Variants in PDZD2 observed in about 807,000 individuals in gnomAD.
The protein encoded by PDZD2 is PDZ domain-containing protein 2.
Under a neutral mutation model 220.7 loss-of-function variants are expected in PDZD2, and 90 were observed. That is an observed-to-expected ratio of 0.41 (90% CI 0.34 to 0.49). The LOEUF (loss-of-function observed/expected upper bound fraction) is 0.49. Among genes scored for constraint, PDZD2 ranks in the 20% least tolerant of loss-of-function variants. The pLI is 0.28. For missense variants in PDZD2, 3,174 were observed against 3,608.5 expected (o/e 0.88, Z 3.08); for synonymous variants, 1,375 against 1,450.5 (o/e 0.95, Z 1.18).
chr5:31,697,628 TGAG>T (rs948809670), intron 1 of PDZD2, among the ~76,000 whole-genome samples: 1 of 152,202 alleles, frequency 6.6e-6, no homozygotes, highest in African/African-American at 2.4e-5. Context: ...ATTTCCAAAG[TGAG>T]GAGGAGCCCA....
At chr5:31,872,317 G>GA (rs1366869463) in intron 2 of PDZD2, among the ~76,000 whole-genome samples, 2 of 152,084 alleles carry the variant, frequency 1.3e-5, no homozygotes, top group African/African-American at 4.8e-5. Context: ...TTTCCCTGGG[G>GA]AAAAATCATG....
At chr5:31,735,342 T>G (rs778910359) in intron 1 of PDZD2, among the ~76,000 whole-genome samples, 9 of 152,212 alleles carry the variant, frequency 5.9e-5, no homozygotes, top group Non-Finnish European at 1.0e-4. Context: ...CACTGCTGCC[T>G]CCTATTCTCC....
Position 31,646,127 on chromosome 5 carries a change from C to T in PDZD2, c.-361+6690C>T, listed in dbSNP as rs1745128039. Reference sequence around the variant, plus strand: ...AGAAAATAAACACCAACTCTTTTGTCCCTTTCACCAAAGGCCAGCATGTTT... The same window carrying T: ...AGAAAATAAACACCAACTCTTTTGTTCCTTTCACCAAAGGCCAGCATGTTT... On this transcript the variant is annotated intron_variant, in intron 1 of 24. Transcript: ENST00000438447. The surrounding 1 kb of genome is among the most constrained non-coding windows in gnomAD (Gnocchi z 4.7). Among the ~76,000 whole-genome samples the T allele has an allele frequency of 6.6e-6, 1 of 152,166 alleles. No homozygotes were observed. The highest frequency in any genetic ancestry group is 6.5e-5 in the Admixed American group (1 of 15,278).
chr5:31,965,875 G>A (rs181439576), intron 2 of PDZD2, among the ~76,000 whole-genome samples: 2 of 152,140 alleles, frequency 1.3e-5, no homozygotes, highest in Admixed American at 1.3e-4. Flanking sequence ...CTCCAGCCTG[G>A]GCAAGAGTGA....
chr5:31,889,189 G>A (rs758376191), intron 2 of PDZD2, among the ~76,000 whole-genome samples: 19 of 152,176 alleles, frequency 1.2e-4, no homozygotes, highest in Admixed American at 1.1e-3. Flanking sequence ...GAAGTGTCAC[G>A]CTGAGGGATT....
intron 1 of PDZD2, among the ~76,000 whole-genome samples, chr5:31,722,103 A>G (rs1187309230): frequency 6.6e-6 from 1 of 152,170 alleles, no homozygotes; most frequent in Non-Finnish European, 1.5e-5. Flanking sequence ...CCTCCAGCCT[A>G]GACAACCTCA....
intron 2 of PDZD2, chr5:31,854,936 C>T: frequency 1.0e-6 from 1 of 983,516 alleles, no homozygotes; most frequent in Non-Finnish European, 1.2e-6. Flanking sequence ...CTCCCACAGA[C>T]CTGGAGCCGG....
At chr5:31,741,827 C>G (rs1750283192) in intron 1 of PDZD2, 1 of 152,252 alleles carries the variant, frequency 6.6e-6, no homozygotes, top group South Asian at 2.1e-4. Flanking sequence ...TGGAAAGAAT[C>G]TGGTTCATTC....
Position 31,983,349 on chromosome 5 carries a change from G to T in PDZD2, c.671G>T (p.Arg224Met). Residue 224 changes from arginine to methionine, a missense_variant, in exon 3 of 25, where the codon AGG becomes ATG. Arg to Met is a moderately conservative substitution (Grantham distance 91). This residue lies in a region of PDZD2 where 632 missense variants were observed against 708.1 expected (regional missense o/e 0.89). Transcript: ENST00000438447. ...ACCAGAAAGTTTGGGGTCATCTCCAGGCCTCCTGCCAACAAGGCCCCTGAA... is the reference window on the plus strand; with the variant it reads ...ACCAGAAAGTTTGGGGTCATCTCCATGCCTCCTGCCAACAAGGCCCCTGAA... The part of the protein sequence containing the change: ...KRTRKFGVIS[R>M]PPANKAPEES... The T allele has an allele frequency of 6.2e-7, 1 of 1,614,222 alleles. No individual in the cohort carries two copies. Among genetic ancestry groups the T allele is most frequent in the Non-Finnish European group, 8.5e-7 (1 of 1,180,044 alleles).
chr5:32,008,837 G>A lies in PDZD2; in HGVS notation c.1255-1493G>A, dbSNP rs1753058497. ...TGGAGTGGCTCCTGAGATGACCCAG[G>A]TGGGCTTTCGGAAGGAGAGGTGTTC... On this transcript the variant is annotated intron_variant, in intron 5 of 24. Coordinates refer to ENST00000438447, the MANE Select transcript of PDZD2 (RefSeq NM_178140.4). Among the ~76,000 whole-genome samples, 3 of 152,202 alleles carry A rather than the reference G, an allele frequency of 2.0e-5. No homozygotes were observed. The South Asian group carries it at 6.2e-4, about 31-fold the overall frequency.
At chr5:31,761,428 G>T (rs7707484) in intron 1 of PDZD2, among the ~76,000 whole-genome samples, 74,661 of 145,488 alleles carry the variant, frequency 0.51, 20,017 homozygotes, top group Non-Finnish European at 0.6. Context: ...AAAGGAGAAA[G>T]TTAAAAGTAA....
At chr5:31,678,421 C>G (rs805203) in intron 1 of PDZD2, among the ~76,000 whole-genome samples, 1 of 151,912 alleles carries the variant, frequency 6.6e-6, no homozygotes, top group African/African-American at 2.4e-5. Context: ...CCTTGTGGTG[C>G]TACTTCTGGA....
intron 2 of PDZD2, among the ~76,000 whole-genome samples, chr5:31,819,656 C>CA (rs3032832): frequency 0.21 from 23,014 of 110,318 alleles, 2,845 homozygotes; most frequent in African/African-American, 0.27. Context: ...GACTCTGTCT[C>CA]AAAAAAAAAA....
intron 1 of PDZD2, among the ~76,000 whole-genome samples, chr5:31,661,703 G>A (rs1745768162): frequency 6.6e-6 from 1 of 151,898 alleles, no homozygotes; most frequent in South Asian, 2.1e-4. Flanking sequence ...TGGGCTTGAG[G>A]ATTAGGGACA....
At chr5:31,881,326 A>ATGTGTGTGTG (rs67969355) in intron 2 of PDZD2, among the ~76,000 whole-genome samples, 4 of 123,226 alleles carry the variant, frequency 3.2e-5, no homozygotes, top group South Asian at 2.8e-4. Context: ...TTCCATATAT[A>ATGTGTGTGTG]TGTGTGTGTG....
At chr5:32,079,806 C>T (rs943928371) in intron 19 of PDZD2, among the ~76,000 whole-genome samples, 33 of 151,478 alleles carry the variant, frequency 2.2e-4, no homozygotes, top group African/African-American at 6.6e-4. Flanking sequence ...AGCGAGACTC[C>T]GTCTCAGAAA....
intron 7 of PDZD2, among the ~76,000 whole-genome samples, chr5:32,039,076 T>C (rs116411694): frequency 7.5e-4 from 112 of 149,334 alleles, no homozygotes; most frequent in African/African-American, 1.8e-3. Context: ...AATACCTGTT[T>C]TTAAGAAAAC....
intron 1 of PDZD2, among the ~76,000 whole-genome samples, chr5:31,651,617 AC>A (rs11476136): frequency 0.075 from 11,430 of 151,702 alleles, 635 homozygotes; most frequent in African/African-American, 0.15. Context: ...GGATAGTTGG[AC>A]TTGCTTTATT....
intron 1 of PDZD2, among the ~76,000 whole-genome samples, chr5:31,737,377 T>A (rs1389090665): frequency 6.6e-6 from 1 of 152,034 alleles, no homozygotes; most frequent in South Asian, 2.1e-4. Flanking sequence ...TTTCACCGTG[T>A]TAGCCAGGAT....
Sources: gnomAD v4.1 joint callset for allele counts (sites outside exome capture counted in the v4.1 genomes callset) on GRCh38, gnomAD v4.1.1 for gene constraint, gnomAD v4.1.1 regional missense constraint, Gnocchi (gnomAD v3.1) non-coding constraint, MANE v1.5 for transcripts, NCBI Gene and HGNC (gene_info 2026-07-23, HGNC 2026-07-21) for gene names.